The following SLIT1 variants were observed in gnomAD, a reference collection of about 807,000 sequenced individuals.
SLIT1 encodes the protein slit homolog 1 protein.
In SLIT1, 66 loss-of-function variants were observed where a neutral mutation model predicts 186.1. That is an observed-to-expected ratio of 0.35 (90% CI 0.29 to 0.44). The LOEUF is 0.44. Ranked by LOEUF, SLIT1 falls within the 20% of genes least tolerant of loss-of-function variation. The pLI is 1.00. For missense variants in SLIT1, 1,638 were observed against 2,037.4 expected (o/e 0.80, Z 3.77); for synonymous variants, 761 against 833.8 (o/e 0.91, Z 1.50).
At chr10:97,125,660 G>A (rs187609911) in intron 4 of SLIT1, among the ~76,000 whole-genome samples, 6 of 151,718 alleles carry the variant, frequency 4.0e-5, no homozygotes, top group South Asian at 2.1e-4. Context: ...CCAACATAGC[G>A]AAACCCTGTC....
intron 12 of SLIT1, 121 bp downstream of exon 12, chr10:97,057,089 C>A: frequency 1.4e-6 from 1 of 733,442 alleles, no homozygotes; most frequent in South Asian, 1.8e-5. Context: ...GCCTGTCTTC[C>A]AAGCTCATTG....
chr10:97,040,517 G>C (rs562394161), intron 20 of SLIT1, among the ~76,000 whole-genome samples: 5 of 152,272 alleles, frequency 3.3e-5, no homozygotes, highest in East Asian at 3.9e-4. Flanking sequence ...GGAGGATGGA[G>C]ACCTGGGCCT....
At chr10:97,012,047 G>A (rs74153742) in intron 30 of SLIT1, among the ~76,000 whole-genome samples, 1,565 of 143,846 alleles carry the variant, frequency 0.011, 20 homozygotes, top group African/African-American at 0.034. Context: ...AGTGTTTTTC[G>A]GGCTATAAGA....
intron 4 of SLIT1, among the ~76,000 whole-genome samples, chr10:97,123,271 G>A (rs977968086): frequency 2.0e-5 from 3 of 152,204 alleles, no homozygotes; most frequent in African/African-American, 4.8e-5. Flanking sequence ...CTAAAAATCT[G>A]ACACCTTTTA....
chr10:97,095,385 T>C (rs1003138284), intron 4 of SLIT1, among the ~76,000 whole-genome samples: 25 of 152,248 alleles, frequency 1.6e-4, no homozygotes, highest in African/African-American at 3.9e-4. Flanking sequence ...GCTATTCTTA[T>C]GGACCAACCA....
chr10:97,020,695 G>T (rs774025777), intron 26 of SLIT1, among the ~76,000 whole-genome samples: 3 of 152,274 alleles, frequency 2.0e-5, no homozygotes, highest in Non-Finnish European at 4.4e-5. Flanking sequence ...CCCGGCCCCG[G>T]CGGCCACTCA....
chr10:97,164,927 G>C, intron 1 of SLIT1, 37 bp from the exon 2 acceptor site: 1 of 1,525,472 alleles, frequency 6.6e-7, no homozygotes, highest in East Asian at 2.3e-5. Context: ...AGTGGGGTGA[G>C]CAGGGTAAGC....
At chr10:97,147,894 A>T (rs1452812644) in intron 4 of SLIT1, among the ~76,000 whole-genome samples, 4 of 152,178 alleles carry the variant, frequency 2.6e-5, no homozygotes, top group African/African-American at 9.7e-5. Context: ...ACTGGAGTCC[A>T]GTTCTTCCTC....
chr10:97,131,804 G>A (rs908466501), intron 4 of SLIT1, among the ~76,000 whole-genome samples: 4 of 152,196 alleles, frequency 2.6e-5, no homozygotes, highest in Admixed American at 6.5e-5. Context: ...TTCAGGCACC[G>A]TGCGGAGCTC....
intron 1 of SLIT1, among the ~76,000 whole-genome samples, chr10:97,182,813 C>T (rs1850357303): frequency 6.6e-6 from 1 of 152,164 alleles, no homozygotes; most frequent in Admixed American, 6.5e-5. Flanking sequence ...TGCTTACACC[C>T]GCAGGTTTTT....
intron 20 of SLIT1, among the ~76,000 whole-genome samples, chr10:97,040,877 T>G (rs558111885): frequency 7.9e-5 from 12 of 152,338 alleles, no homozygotes; most frequent in African/African-American, 2.9e-4. Context: ...ACTGGGATGC[T>G]GGTAGCACAT....
chr10:97,160,375 T>C (rs1850010010), intron 3 of SLIT1, among the ~76,000 whole-genome samples: 2 of 152,196 alleles, frequency 1.3e-5, no homozygotes, highest in Non-Finnish European at 2.9e-5. Context: ...TTAGAAAGAT[T>C]CGATGAAAGG....
chr10:97,086,874 C>G (rs1176724420), intron 4 of SLIT1, among the ~76,000 whole-genome samples: 1 of 152,094 alleles, frequency 6.6e-6, no homozygotes, highest in African/African-American at 2.4e-5. Flanking sequence ...GTCTGCAACA[C>G]CAAGAGTGAA....
Position 97,056,341 on chromosome 10 carries a change from G to A in SLIT1, c.1281C>T (p.Ser427=). Residue 427 remains serine (S), a synonymous_variant, in exon 13 of 37, where the codon TCC becomes TCT. Coordinates refer to ENST00000266058, the MANE Select transcript of SLIT1 (RefSeq NM_003061.3). Reference sequence around the variant, plus strand: ...CTCACAGAGTCTGGATGGCCCGCAGGGAGGTGAAAGTGCCCTTGGCGAGGC... The same window carrying A: ...CTCACAGAGTCTGGATGGCCCGCAGAGAGGTGAAAGTGCCCTTGGCGAGGC... ...IQSLAKGTFT[S]LRAIQTLHLA... 3.1e-6 allele frequency: 5 copies of A among 1,614,214 alleles called. No individual in the cohort carries two copies. Among genetic ancestry groups the A allele is most frequent in the South Asian group, 1.1e-5 (1 of 91,082 alleles).
intron 23 of SLIT1, 87 bp downstream of exon 23, chr10:97,034,384 C>G: frequency 3.1e-6 from 3 of 961,974 alleles, no homozygotes; most frequent in East Asian, 2.4e-5. Flanking sequence ...GGCGAGGGAT[C>G]TGGGAGCAAA....
intron 28 of SLIT1, among the ~76,000 whole-genome samples, chr10:97,017,395 G>A (rs980498561): frequency 8.5e-5 from 13 of 152,320 alleles, no homozygotes; most frequent in Admixed American, 2.0e-4. Context: ...AATGTATTGC[G>A]CCAGCAATTT....
chr10:97,125,497 G>A (rs1328792305), intron 4 of SLIT1, among the ~76,000 whole-genome samples: 1 of 144,856 alleles, frequency 6.9e-6, no homozygotes, highest in African/African-American at 2.5e-5. Context: ...TCACACCACT[G>A]CACTCCAGCC....
chr10:97,055,181 C>T (rs1272631788), intron 13 of SLIT1, among the ~76,000 whole-genome samples: 1 of 152,168 alleles, frequency 6.6e-6, no homozygotes. Flanking sequence ...TGTGCCATTG[C>T]ACTCCAGCCT....
rs182841002 is a variant in SLIT1, at chr10:97,005,185, G to T, written c.3580-362C>A. Among the ~76,000 whole-genome samples the T allele has an allele frequency of 1.3e-3, 197 of 152,318 alleles. 1 individual carries two copies. The highest frequency in any genetic ancestry group is 3.3e-3 in the African/African-American group (139 of 41,556). On this transcript the variant is annotated intron_variant, in intron 32 of 36. Transcript: ENST00000266058. ...CTGGGTGTGGGTAGCCTTGCCCTGT[G>T]GGCCTTGGGGAGCTAACTGCTCAGG...
Sources: gnomAD v4.1 joint callset for allele counts (sites outside exome capture counted in the v4.1 genomes callset) on GRCh38, gnomAD v4.1.1 for gene constraint, MANE v1.5 for transcripts, NCBI Gene and HGNC (gene_info 2026-07-23, HGNC 2026-07-21) for gene names.